The following PDGFB variants were observed in gnomAD, a reference collection of about 807,000 sequenced individuals.
The protein encoded by PDGFB is platelet derived growth factor subunit B.
PDGFB carries 6 observed loss-of-function variants against 29.0 expected under a neutral mutation model. The observed-to-expected ratio is 0.21, with a 90% CI of 0.11 to 0.41. The LOEUF (loss-of-function observed/expected upper bound fraction) is 0.41, where lower values mean the gene tolerates loss of function less well. PDGFB is among the 10% of genes least tolerant of loss of function. The probability of loss-of-function intolerance (pLI) is 1.00; values close to 1 mark genes in which losing one functional copy is unlikely to be tolerated. For synonymous variants in PDGFB, 144 were observed against 140.8 expected (o/e 1.02, Z -0.16); for missense variants, 299 against 341.8 (o/e 0.87, Z 0.99).
rs773959171 is a variant in PDGFB, at chr22:39,235,766, G to A, written c.160+12C>T. Reference sequence around the variant, plus strand: ...TCGGAGGGCCGGAGCGCGGGGCGAGGATTCCATTTACCTCCGGGGTCTCCG... The same window carrying A: ...TCGGAGGGCCGGAGCGCGGGGCGAGAATTCCATTTACCTCCGGGGTCTCCG... On this transcript the variant is annotated intron_variant, in intron 2 of 6. Transcript: ENST00000331163. The A allele has an allele frequency of 1.9e-6, 3 of 1,597,056 alleles. No homozygotes were observed. The highest frequency in any genetic ancestry group is 2.6e-6 in the Non-Finnish European group (3 of 1,164,686).
At chr22:39,233,635 C>G (rs1932368382) in intron 2 of PDGFB, 111 bp from the exon 3 acceptor site, 1 of 644,310 alleles carries the variant, frequency 1.6e-6, no homozygotes, top group Non-Finnish European at 2.6e-6. Context: ...CTCCAGAGAA[C>G]AGTCCCTCCT....
chr22:39,236,486 C>T (rs970099018), intron 1 of PDGFB, among the ~76,000 whole-genome samples: 1 of 152,248 alleles, frequency 6.6e-6, no homozygotes, highest in Admixed American at 6.5e-5. Flanking sequence ...AGGGAATCCT[C>T]GGACACGGCC....
In PDGFB at chr22:39,243,848, G is replaced by C. The variant is rs1800817; in HGVS notation, c.63+53C>G. ...GGGAGAGGAGGGGGCGGTCAGAAGGGGGGGGCGAAGGTAATGAATGAAGAA... is the reference window on the plus strand; with the variant it reads ...GGGAGAGGAGGGGGCGGTCAGAAGGCGGGGGCGAAGGTAATGAATGAAGAA... On this transcript the variant is annotated intron_variant, in intron 1 of 6. Coordinates refer to ENST00000331163, the MANE Select transcript of PDGFB (RefSeq NM_002608.4). This position sits in a 1 kb window ranked among gnomAD's most constrained non-coding sequence, Gnocchi z 6.4. The C allele has an allele frequency of 1.3e-5, 19 of 1,446,364 alleles. No homozygotes were observed. Among genetic ancestry groups the C allele is most frequent in the Non-Finnish European group, 1.7e-5 (18 of 1,048,436 alleles). 89.6% of individuals were successfully genotyped at this position (1,446,364 alleles called of 1,614,324 possible). A position where few individuals can be genotyped will look rare whatever the true frequency, so the allele number is the denominator to read the frequency against.
Position 39,235,758 on chromosome 22 carries a change from G to C in PDGFB, c.160+20C>G, listed in dbSNP as rs575538145. ...AAGTCTCCTCGGAGGGCCGGAGCGC[G>C]GGGCGAGGATTCCATTTACCTCCGG... On this transcript the variant is annotated intron_variant, in intron 2 of 6. Transcript: ENST00000331163. 22 of 1,574,110 alleles carry C rather than the reference G, an allele frequency of 1.4e-5. No homozygotes were observed. The highest frequency in any genetic ancestry group is 1.0e-4 in the Admixed American group (6 of 59,894).
intron 1 of PDGFB, among the ~76,000 whole-genome samples, chr22:39,236,757 G>C (rs1932453325): frequency 6.6e-6 from 1 of 152,184 alleles, no homozygotes; most frequent in Non-Finnish European, 1.5e-5. Context: ...AGGGCAGATG[G>C]GAGACTGAGA....
Position 39,240,919 on chromosome 22 carries a change from GCGCA to G in PDGFB, c.63+2978_63+2981del, listed in dbSNP as rs775352234. 4.0e-6 allele frequency: 5 copies of G among 1,238,630 alleles called. No individual in the cohort carries two copies. The African/African-American group carries it at 1.2e-4, about 30-fold the overall frequency. The allele number at this position is 1,238,630 out of a possible 1,614,324, so 76.7% of individuals were successfully genotyped here. On this transcript the variant is annotated intron_variant, in intron 1 of 6. Coordinates refer to ENST00000331163, the MANE Select transcript of PDGFB (RefSeq NM_002608.4). The stretch of plus-strand genomic sequence containing the variant: ...GTCTCTCTCTCTCTCTCTCTCAGAT[GCGCA>G]CACACACACACACACACACTCTCTC...
chr22:39,241,985 G>A (rs1461520663), intron 1 of PDGFB, among the ~76,000 whole-genome samples: 1 of 152,274 alleles, frequency 6.6e-6, no homozygotes, highest in African/African-American at 2.4e-5. Context: ...AAATGGGGCC[G>A]CTACAGAGGT....
intron 2 of PDGFB, among the ~76,000 whole-genome samples, chr22:39,234,074 G>C (rs997714748): frequency 4.6e-5 from 7 of 151,926 alleles, no homozygotes; most frequent in African/African-American, 1.7e-4. Flanking sequence ...GAGGAGAAGA[G>C]GGGTGGGAGT....
chr22:39,230,532 G>A (rs1230947204), intron 4 of PDGFB, among the ~76,000 whole-genome samples: 2 of 152,354 alleles, frequency 1.3e-5, no homozygotes, highest in Admixed American at 6.5e-5. Context: ...CCTCATTCCC[G>A]GAGCGCCAGC....
At position 39,243,274 on chromosome 22, in the gene PDGFB, T is replaced by TCTCTC. The variant is rs1932615384; in HGVS notation, c.63+626_63+627insGAGAG. On this transcript the variant is annotated intron_variant, in intron 1 of 6. Transcript: ENST00000331163. The surrounding 1 kb of genome is among the most constrained non-coding windows in gnomAD (Gnocchi z 6.4). ...TCCGTCTCTCTCTCTCTCTCTCTCT[T>TCTCTC]TCTCTCTCTCTCTCTCTCTCTCCCT... 9.9e-5 allele frequency among the ~76,000 whole-genome samples: 6 copies of TCTCTC among 60,806 alleles called. No homozygotes were observed. The highest frequency in any genetic ancestry group is 2.0e-4 in the African/African-American group (5 of 24,794). 39.9% of individuals were successfully genotyped at this position (60,806 alleles called of 152,430 possible).
chr22:39,241,046 C>T (rs1473481276), intron 1 of PDGFB: 1 of 727,408 alleles, frequency 1.4e-6, no homozygotes, highest in Admixed American at 2.1e-5. Flanking sequence ...AGTTGGTCTC[C>T]TGCCCCCTAG....
rs1017618504 is a variant in PDGFB at position 39,243,777 on chromosome 22, G to A, written c.63+124C>T. 11 of 680,394 alleles carry A rather than the reference G, an allele frequency of 1.6e-5. No individual in the cohort carries two copies. The highest frequency in any genetic ancestry group is 2.4e-6 in the Non-Finnish European group (1 of 413,864). The allele number at this position is 680,394 out of a possible 1,614,324, so 42.1% of individuals were successfully genotyped here. A position where few individuals can be genotyped will look rare whatever the true frequency, so the allele number is the denominator to read the frequency against. ...TCCCAGCCCGAAGAGGTCACCCAGC[G>A]CCCGGCGTCAGGCTCGCGGGCTGCA... On this transcript the variant is annotated intron_variant, in intron 1 of 6. Transcript: ENST00000331163. This position sits in a 1 kb window ranked among gnomAD's most constrained non-coding sequence, Gnocchi z 6.4.
At chr22:39,240,348 T>TC (rs1405389135) in intron 1 of PDGFB, among the ~76,000 whole-genome samples, 2 of 150,078 alleles carry the variant, frequency 1.3e-5, no homozygotes, top group African/African-American at 4.9e-5. Flanking sequence ...CTTCTCTCTC[T>TC]CTTTTTTTTT....
intron 1 of PDGFB, among the ~76,000 whole-genome samples, chr22:39,238,107 C>T (rs77367882): frequency 0.015 from 2,225 of 152,304 alleles, 60 homozygotes; most frequent in African/African-American, 0.051. Flanking sequence ...CTGAACAGGC[C>T]GAGTGGACAC....
intron 1 of PDGFB, among the ~76,000 whole-genome samples, chr22:39,240,321 C>T (rs1932537255): frequency 6.6e-6 from 1 of 152,140 alleles, no homozygotes; most frequent in South Asian, 2.1e-4. Context: ...TCTTTGGGAA[C>T]TCTGCACTAA....
chr22:39,236,708 A>G (rs1244824464), intron 1 of PDGFB, among the ~76,000 whole-genome samples: 5 of 152,176 alleles, frequency 3.3e-5, no homozygotes, highest in Admixed American at 3.3e-4. Context: ...GTCCCAGGAG[A>G]CCCAAGGGGC....
At chr22:39,225,914 A>G in intron 5 of PDGFB, 67 bp from the exon 6 acceptor site, 1 of 1,539,088 alleles carries the variant, frequency 6.5e-7, no homozygotes, top group Non-Finnish European at 8.8e-7. Flanking sequence ...CCACTGACCA[A>G]GGCCTGCCAT....
chr22:39,243,875 C>G lies in PDGFB; in HGVS notation c.63+26G>C. 1 of 1,587,028 alleles carries G rather than the reference C, an allele frequency of 6.3e-7. No homozygotes were observed. The highest frequency in any genetic ancestry group is 8.6e-7 in the Non-Finnish European group (1 of 1,164,334). On this transcript the variant is annotated intron_variant, in intron 1 of 6. Transcript: ENST00000331163. This position sits in a 1 kb window ranked among gnomAD's most constrained non-coding sequence, Gnocchi z 6.4. The stretch of plus-strand genomic sequence containing the variant: ...GGGGCGAAGGTAATGAATGAAGAAC[C>G]AGCCCCAGCCGCCGTGGCAACTCAC...
rs539414241 is a variant in PDGFB at position 39,234,689 on chromosome 22, G to A, written c.160+1089C>T. Among the ~76,000 whole-genome samples the A allele has an allele frequency of 7.2e-5, 11 of 152,368 alleles. No individual in the cohort carries two copies. In the South Asian group the frequency reaches 1.9e-3, roughly 26 times the overall value. On this transcript the variant is annotated intron_variant, in intron 2 of 6. Transcript: ENST00000331163. ...ATCTCTGGAATGTCCCTGGTGGGGA[G>A]GAGATGGGGAAAAGATGCGCTTTGT... is the stretch of plus-strand genomic sequence containing the variant.
Sources: gnomAD v4.1 joint callset for allele counts (sites outside exome capture counted in the v4.1 genomes callset) on GRCh38, gnomAD v4.1.1 for gene constraint, Gnocchi (gnomAD v3.1) non-coding constraint, MANE v1.5 for transcripts, NCBI Gene and HGNC (gene_info 2026-07-23, HGNC 2026-07-21) for gene names.